CRADD: variants seen among roughly 807,000 people sequenced by gnomAD.
CRADD encodes the protein death domain-containing protein CRADD.
A neutral mutation model predicts 15.5 loss-of-function variants in CRADD; 9 were observed. The ratio of observed to expected loss-of-function variants is 0.58; its 90% CI spans 0.35 to 1.01. The LOEUF (loss-of-function observed/expected upper bound fraction) is 1.01, where lower values mean the gene tolerates loss of function less well. Ranked by LOEUF, CRADD falls within the 50% of genes least tolerant of loss-of-function variation. The pLI, the probability that CRADD is intolerant of heterozygous loss-of-function variation, is 0.02. For synonymous variants in CRADD, 118 were observed against 107.6 expected (o/e 1.10, Z -0.60); for missense variants, 227 against 250.3 (o/e 0.91, Z 0.63).
At chr12:93,829,393 G>A (rs1024704356) in intron 2 of CRADD, among the ~76,000 whole-genome samples, 4 of 152,122 alleles carry the variant, frequency 2.6e-5, no homozygotes, top group East Asian at 1.9e-4. Context: ...TCCTGGACCC[G>A]GGAGATCAGC....
intron 2 of CRADD, among the ~76,000 whole-genome samples, chr12:93,881,980 A>T (rs1014229979): frequency 2.0e-5 from 3 of 151,974 alleles, no homozygotes; most frequent in Non-Finnish European, 2.9e-5. Context: ...TACAAAAATT[A>T]TCTGGGCTTG....
chr12:93,814,241 C>T (rs921108977), intron 2 of CRADD, among the ~76,000 whole-genome samples: 6 of 152,086 alleles, frequency 3.9e-5, no homozygotes, highest in African/African-American at 9.7e-5. Context: ...ACACTATGTC[C>T]GCTATGGGGC....
chr12:93,789,184 T>C (rs1319023217), intron 2 of CRADD, among the ~76,000 whole-genome samples: 1 of 151,960 alleles, frequency 6.6e-6, no homozygotes, highest in Non-Finnish European at 1.5e-5. Flanking sequence ...TGTGAGAGGC[T>C]AGGTCAGTGT....
chr12:93,814,853 CAAT>C (rs1957673537), intron 2 of CRADD, among the ~76,000 whole-genome samples: 1 of 152,144 alleles, frequency 6.6e-6, no homozygotes. Flanking sequence ...TGTATATGTA[CAAT>C]GTTTTCTTAA....
At chr12:93,736,020 G>A (rs940812629) in intron 2 of CRADD, among the ~76,000 whole-genome samples, 1 of 151,926 alleles carries the variant, frequency 6.6e-6, no homozygotes, top group African/African-American at 2.4e-5. Context: ...TCACGCCACT[G>A]CACTCCAGCC....
At chr12:93,736,526 C>G (rs1446493484) in intron 2 of CRADD, among the ~76,000 whole-genome samples, 3 of 152,140 alleles carry the variant, frequency 2.0e-5, no homozygotes, top group Non-Finnish European at 4.4e-5. Flanking sequence ...ATCTTCTGTT[C>G]CCATCCATGA....
intron 2 of CRADD, among the ~76,000 whole-genome samples, chr12:93,784,586 T>G (rs547788990): frequency 6.6e-6 from 1 of 152,222 alleles, no homozygotes; most frequent in East Asian, 1.9e-4. Flanking sequence ...TCAGAGCACC[T>G]TAAAACCCTT....
At chr12:93,838,221 T>G (rs1031045514) in intron 2 of CRADD, among the ~76,000 whole-genome samples, 2 of 150,824 alleles carry the variant, frequency 1.3e-5, no homozygotes, top group Admixed American at 6.6e-5. Context: ...GAGGTTTTTT[T>G]TTTTTTTTTT....
chr12:93,871,371 G>T (rs951905115), intron 2 of CRADD, among the ~76,000 whole-genome samples: 2 of 152,006 alleles, frequency 1.3e-5, no homozygotes, highest in Non-Finnish European at 2.9e-5. Flanking sequence ...AGGTAATGGG[G>T]TATTCATCCC....
intron 2 of CRADD, among the ~76,000 whole-genome samples, chr12:93,728,380 A>G (rs1366843976): frequency 2.6e-5 from 4 of 152,254 alleles, no homozygotes; most frequent in South Asian, 2.1e-4. Flanking sequence ...TAAGGCACAT[A>G]AAAGAACACT....
intron 2 of CRADD, among the ~76,000 whole-genome samples, chr12:93,701,666 T>G (rs1955846534): frequency 6.6e-6 from 1 of 152,214 alleles, no homozygotes; most frequent in Non-Finnish European, 1.5e-5. Flanking sequence ...GATTCCAAAT[T>G]CCTGAGAATA....
chr12:93,827,711 C>A (rs1485406998), intron 2 of CRADD, among the ~76,000 whole-genome samples: 2 of 151,998 alleles, frequency 1.3e-5, no homozygotes, highest in East Asian at 3.9e-4. Context: ...ATATCTATGC[C>A]AACATTGTCT....
intron 2 of CRADD, among the ~76,000 whole-genome samples, chr12:93,695,132 T>C (rs942687216): frequency 6.6e-6 from 1 of 152,118 alleles, no homozygotes; most frequent in Non-Finnish European, 1.5e-5. Context: ...CATAGACCAA[T>C]GGAACAGAAT....
intron 2 of CRADD, among the ~76,000 whole-genome samples, chr12:93,756,320 T>C (rs1344161789): frequency 6.6e-6 from 1 of 152,208 alleles, no homozygotes; most frequent in African/African-American, 2.4e-5. Flanking sequence ...TGACTCACCA[T>C]AAGTTCAGCG....
chr12:93,851,909 G>A (rs995428748), downstream of CRADD, among the ~76,000 whole-genome samples: 1 of 152,144 alleles, frequency 6.6e-6, no homozygotes, highest in Non-Finnish European at 1.5e-5. Flanking sequence ...ATAGTGTGTG[G>A]ATAACATCCT....
chr12:93,710,463 A>C (rs1021194611), intron 2 of CRADD, among the ~76,000 whole-genome samples: 1 of 148,530 alleles, frequency 6.7e-6, no homozygotes, highest in Non-Finnish European at 1.5e-5. Context: ...CTCCTTCCTC[A>C]GCCTCCCTAG....
At chr12:93,695,995 C>T (rs1261155125) in intron 2 of CRADD, among the ~76,000 whole-genome samples, 6 of 152,078 alleles carry the variant, frequency 3.9e-5, no homozygotes, top group South Asian at 2.1e-4. Context: ...TGATCAACAT[C>T]GCAAATCACC....
intron 2 of CRADD, among the ~76,000 whole-genome samples, chr12:93,875,786 CATT>C (rs1269953250): frequency 6.6e-6 from 1 of 151,990 alleles, no homozygotes; most frequent in Non-Finnish European, 1.5e-5. Flanking sequence ...ATGCTGTTGT[CATT>C]ATTATTTTCT....
At chr12:93,861,662 A>G (rs1565942693) in intron 2 of CRADD, among the ~76,000 whole-genome samples, 1 of 152,148 alleles carries the variant, frequency 6.6e-6, no homozygotes, top group Non-Finnish European at 1.5e-5. Flanking sequence ...CCTTGTGACT[A>G]CGTCACAGCC....
Sources: gnomAD v4.1 joint callset for allele counts (sites outside exome capture counted in the v4.1 genomes callset) on GRCh38, gnomAD v4.1.1 for gene constraint, MANE v1.5 for transcripts, NCBI Gene and HGNC (gene_info 2026-07-23, HGNC 2026-07-21) for gene names.